MAP4K5: variants seen among roughly 807,000 people sequenced by gnomAD.
MAP4K5 encodes MAPK/ERK kinase kinase kinase 5.
MAP4K5 carries 82 observed loss-of-function variants against 135.6 expected under a neutral mutation model. The ratio of observed to expected loss-of-function variants is 0.60; its 90% CI spans 0.51 to 0.73. The LOEUF (loss-of-function observed/expected upper bound fraction) is 0.73. Among genes scored for constraint, MAP4K5 ranks in the 30% least tolerant of loss-of-function variants. MAP4K5 has a pLI of 0.00. For synonymous variants in MAP4K5, 347 were observed against 335.0 expected (o/e 1.04, Z -0.39); for missense variants, 907 against 1,010.9 (o/e 0.90, Z 1.39).
chr14:50,458,773 A>C (rs1400066088), intron 13 of MAP4K5, among the ~76,000 whole-genome samples: 1 of 151,982 alleles, frequency 6.6e-6, no homozygotes, highest in Non-Finnish European at 1.5e-5. Flanking sequence ...ATGTGTATCT[A>C]ATCACTCTCA....
At chr14:50,532,295 C>A in intron 1 of MAP4K5, 137 bp from the exon 2 acceptor site, 1 of 436,224 alleles carries the variant, frequency 2.3e-6, no homozygotes, top group South Asian at 3.7e-5. Flanking sequence ...GGGCCCCCGG[C>A]GCCCCGTATC....
At chr14:50,462,590 CAAAG>C in intron 13 of MAP4K5, 71 bp downstream of exon 13, 1 of 965,594 alleles carries the variant, frequency 1.0e-6, no homozygotes, top group Non-Finnish European at 1.6e-6. Flanking sequence ...ACTCAGAAAA[CAAAG>C]AAAAAAAAGC....
intron 13 of MAP4K5, among the ~76,000 whole-genome samples, chr14:50,457,383 T>C (rs2036614941): frequency 6.6e-6 from 1 of 152,114 alleles, no homozygotes; most frequent in Admixed American, 6.6e-5. Flanking sequence ...GTAAGAATAT[T>C]GTAGTAAGCC....
chr14:50,527,904 A>G (rs1382529125), intron 2 of MAP4K5, among the ~76,000 whole-genome samples: 1 of 152,054 alleles, frequency 6.6e-6, no homozygotes, highest in Non-Finnish European at 1.5e-5. Context: ...CTAGGCTGGA[A>G]GCAATTTTGA....
intron 1 of MAP4K5, 101 bp downstream of exon 1, chr14:50,532,346 CG>C: frequency 3.1e-6 from 1 of 319,570 alleles, no homozygotes; most frequent in East Asian, 6.2e-5. Context: ...CGGCCGCCCG[CG>C]AACTGCCCGA....
chr14:50,429,019 AC>A (rs2035911252), intron 29 of MAP4K5, among the ~76,000 whole-genome samples, 172 bp downstream of exon 29: 1 of 152,160 alleles, frequency 6.6e-6, no homozygotes, highest in Non-Finnish European at 1.5e-5. Context: ...AAAAATGGCT[AC>A]CTCGGTGCTC....
chr14:50,457,711 A>C (rs763890733), intron 13 of MAP4K5, among the ~76,000 whole-genome samples: 3 of 152,142 alleles, frequency 2.0e-5, no homozygotes, highest in Non-Finnish European at 4.4e-5. Flanking sequence ...TTTCCTCTAT[A>C]TTACAAATCT....
At chr14:50,448,216 T>C (rs1475681655) in intron 15 of MAP4K5, among the ~76,000 whole-genome samples, 1 of 152,132 alleles carries the variant, frequency 6.6e-6, no homozygotes, top group Non-Finnish European at 1.5e-5. Flanking sequence ...GGTTCTGCCA[T>C]GTTGGCCAGG....
At chr14:50,483,947 G>T (rs575599407) in intron 5 of MAP4K5, among the ~76,000 whole-genome samples, 1 of 151,736 alleles carries the variant, frequency 6.6e-6, no homozygotes, top group Non-Finnish European at 1.5e-5. Flanking sequence ...TGCAACCACC[G>T]CCTCCTGGGT....
At chr14:50,447,390 T>A in intron 16 of MAP4K5, 24 bp downstream of exon 16, 1 of 1,397,730 alleles carries the variant, frequency 7.2e-7, no homozygotes, top group Non-Finnish European at 9.8e-7. Context: ...TAAAATATAG[T>A]TATTAAATTA....
intron 3 of MAP4K5, among the ~76,000 whole-genome samples, chr14:50,495,782 T>C (rs1251608768): frequency 2.0e-5 from 3 of 152,182 alleles, no homozygotes; most frequent in African/African-American, 7.2e-5. Context: ...TTGAGAACAT[T>C]ATGCTAAGTG....
chr14:50,497,172 C>T (rs900133948), intron 3 of MAP4K5, among the ~76,000 whole-genome samples: 3 of 151,996 alleles, frequency 2.0e-5, no homozygotes, highest in African/African-American at 4.8e-5. Context: ...ACAATGGTGG[C>T]AATCTTGTGA....
chr14:50,516,389 G>A (rs2038033860), intron 2 of MAP4K5, among the ~76,000 whole-genome samples: 1 of 152,158 alleles, frequency 6.6e-6, no homozygotes, highest in Non-Finnish European at 1.5e-5. Context: ...CCAATCTAGT[G>A]ATATCCTATA....
Position 50,421,866 on chromosome 14 carries a change from C to T in MAP4K5, c.2453+1255G>A, listed in dbSNP as rs554908095. ...CTTGGTTTCATTAAAGGATTATCTA[C>T]ACCAGGATCAATGGATGATCCACAA... On this transcript the variant is annotated intron_variant, in intron 32 of 32. Coordinates refer to ENST00000682126, the MANE Select transcript of MAP4K5 (RefSeq NM_006575.6). 6.7e-5 allele frequency among the ~76,000 whole-genome samples: 10 copies of T among 149,374 alleles called. No homozygotes were observed. In the South Asian group the frequency reaches 2.1e-3, roughly 32 times the overall value.
At position 50,423,153 on chromosome 14, in the gene MAP4K5, T is replaced by C; in HGVS notation, c.2421A>G (p.Glu807=). ...SDEVTQEISD[E]TRVFRLLGSD... The stretch of plus-strand genomic sequence containing the variant: ...ATCCTAATAAGCGGAAAACTCTTGT[T>C]TCATCTGAAATCTCCTGGGTAACCT... Residue 807 remains glutamate (E), a synonymous_variant, in exon 32 of 33, where the codon GAA becomes GAG. Coordinates refer to ENST00000682126, the MANE Select transcript of MAP4K5 (RefSeq NM_006575.6). 10 of 1,573,450 alleles carry C rather than the reference T, an allele frequency of 6.4e-6. No individual in the cohort carries two copies. The highest frequency in any genetic ancestry group is 8.7e-6 in the Non-Finnish European group (10 of 1,147,988).
chr14:50,499,981 G>A (rs144992127), intron 3 of MAP4K5, among the ~76,000 whole-genome samples: 258 of 152,226 alleles, frequency 1.7e-3, no homozygotes, highest in Middle Eastern at 3.4e-3. Context: ...AATATTCAAG[G>A]GAAAAAAATG....
intron 3 of MAP4K5, among the ~76,000 whole-genome samples, chr14:50,499,626 C>A (rs1028041847): frequency 6.6e-6 from 1 of 151,544 alleles, no homozygotes; most frequent in South Asian, 2.1e-4. Flanking sequence ...CCACTGCACT[C>A]CAGCCTGGGC....
chr14:50,488,325 C>T (rs2037412513), intron 3 of MAP4K5, among the ~76,000 whole-genome samples: 1 of 152,310 alleles, frequency 6.6e-6, no homozygotes, highest in African/African-American at 2.4e-5. Flanking sequence ...CAGGCCTCTC[C>T]TTTGATGCCT....
chr14:50,560,013 G>A lies in MAP4K5; in HGVS notation c.-180+1027C>T, dbSNP rs1456144480. The A allele has an allele frequency of 3.5e-5, 20 of 567,674 alleles. No homozygotes were observed. The Admixed American group carries it at 5.1e-4, about 14-fold the overall frequency. 35.2% of individuals were successfully genotyped at this position (567,674 alleles called of 1,614,324 possible). A position where few individuals can be genotyped will look rare whatever the true frequency, so the allele number is the denominator to read the frequency against. On this transcript the variant is annotated intron_variant, in intron 1 of 8. Transcript: ENST00000555216. ...CTATCACTGTCTTCACGGTCTGGGG[G>A]TGGACTGAGGTAGGGAGGGTGTGAC...
Sources: gnomAD v4.1 joint callset for allele counts (sites outside exome capture counted in the v4.1 genomes callset) on GRCh38, gnomAD v4.1.1 for gene constraint, MANE v1.5 for transcripts, NCBI Gene and HGNC (gene_info 2026-07-23, HGNC 2026-07-21) for gene names.